Variants in MORC1 observed in about 807,000 individuals in gnomAD.
MORC1 encodes MORC family CW-type zinc finger protein 1.
Under a neutral mutation model 134.9 loss-of-function variants are expected in MORC1, and 59 were observed. That is an observed-to-expected ratio of 0.44 (90% CI 0.35 to 0.54). The LOEUF is 0.54. Ranked by LOEUF, MORC1 falls within the 20% of genes least tolerant of loss-of-function variation. The pLI, the probability that MORC1 is intolerant of heterozygous loss-of-function variation, is 0.00. For missense variants in MORC1, 947 were observed against 1,134.5 expected, an observed-to-expected ratio of 0.83 and a Z score of 2.37; for synonymous variants, 395 against 391.7, an observed-to-expected ratio of 1.01 and a Z score of -0.10.
At chr3:109,029,004 G>A (rs995103195) in intron 16 of MORC1, among the ~76,000 whole-genome samples, 3 of 152,188 alleles carry the variant, frequency 2.0e-5, no homozygotes, top group Non-Finnish European at 4.4e-5. Flanking sequence ...AGGCAAGGGA[G>A]GAGGAGGCTG....
chr3:109,040,485 A>AAAGAAAGAAAGAAAGG (rs61499269), intron 14 of MORC1, among the ~76,000 whole-genome samples: 3,795 of 114,140 alleles, frequency 0.033, 495 homozygotes, highest in East Asian at 0.074. Context: ...AGAAAGAAAG[A>AAAGAAAGAAAGAAAGG]AAGGAAAGAA....
intron 11 of MORC1, among the ~76,000 whole-genome samples, chr3:109,060,181 T>C (rs1252105843): frequency 6.6e-6 from 1 of 151,892 alleles, no homozygotes; most frequent in African/African-American, 2.4e-5. Flanking sequence ...CTTGGGTGAG[T>C]TATTTAGTGT....
At chr3:109,103,632 A>G (rs1019207631) in intron 4 of MORC1, among the ~76,000 whole-genome samples, 1 of 152,198 alleles carries the variant, frequency 6.6e-6, no homozygotes, top group African/African-American at 2.4e-5. Context: ...TGACAATATT[A>G]ATATACATTT....
intron 14 of MORC1, among the ~76,000 whole-genome samples, chr3:109,048,409 A>C (rs552076420): frequency 1.3e-5 from 2 of 152,214 alleles, no homozygotes; most frequent in Non-Finnish European, 2.9e-5. Flanking sequence ...TGCCTTCATA[A>C]TCCAGTTGTG....
At chr3:109,042,311 C>G (rs538638957) in intron 14 of MORC1, among the ~76,000 whole-genome samples, 1 of 152,080 alleles carries the variant, frequency 6.6e-6, no homozygotes, top group South Asian at 2.1e-4. Context: ...ATATAAGTGG[C>G]CAACACGTAT....
At chr3:108,961,330 C>T (rs557950508) in intron 27 of MORC1, among the ~76,000 whole-genome samples, 1 of 152,340 alleles carries the variant, frequency 6.6e-6, no homozygotes, top group East Asian at 1.9e-4. Flanking sequence ...AGATGGATTA[C>T]AATGATGTTG....
intron 8 of MORC1, among the ~76,000 whole-genome samples, chr3:109,085,527 A>G (rs1950599997): frequency 6.6e-6 from 1 of 152,156 alleles, no homozygotes; most frequent in South Asian, 2.1e-4. Flanking sequence ...ATCACTAATC[A>G]TCACAGAAAT....
intron 17 of MORC1, among the ~76,000 whole-genome samples, chr3:109,022,228 T>C (rs912774230): frequency 3.3e-5 from 5 of 152,356 alleles, no homozygotes; most frequent in African/African-American, 1.2e-4. Context: ...TTCTATGGCA[T>C]CTGTCACTAT....
chr3:109,104,298 C>A (rs966173142), intron 3 of MORC1, among the ~76,000 whole-genome samples: 5 of 152,084 alleles, frequency 3.3e-5, no homozygotes, highest in African/African-American at 1.2e-4. Context: ...CCTCTGTGCC[C>A]TTCCACCAAA....
intron 8 of MORC1, among the ~76,000 whole-genome samples, chr3:109,084,781 C>G (rs928329867): frequency 2.0e-5 from 3 of 152,058 alleles, no homozygotes; most frequent in African/African-American, 7.2e-5. Context: ...CAGCATGGTA[C>G]TGGCACAAAA....
intron 27 of MORC1, among the ~76,000 whole-genome samples, chr3:108,959,931 T>C (rs1947036558): frequency 6.6e-6 from 1 of 152,142 alleles, no homozygotes; most frequent in Non-Finnish European, 1.5e-5. Flanking sequence ...GGAAGAATGG[T>C]AAAATCATTC....
chr3:108,988,840 T>C (rs183451154), intron 21 of MORC1, among the ~76,000 whole-genome samples: 5 of 152,278 alleles, frequency 3.3e-5, no homozygotes, highest in East Asian at 1.9e-4. Flanking sequence ...ATTAATTATG[T>C]TTGTATTCTA....
chr3:108,979,733 C>G, intron 23 of MORC1, 66 bp from the exon 24 acceptor site: 1 of 1,554,650 alleles, frequency 6.4e-7, no homozygotes, highest in Non-Finnish European at 8.8e-7. Flanking sequence ...CACTAATATA[C>G]AAAAATGAGT....
At chr3:109,094,820 A>C in intron 7 of MORC1, 89 bp downstream of exon 7, 1 of 1,183,840 alleles carries the variant, frequency 8.4e-7, no homozygotes, top group Non-Finnish European at 1.1e-6. Context: ...TTATAAGAAC[A>C]AAAAAAATGA....
chr3:109,089,988 T>G (rs1353786971), intron 8 of MORC1, among the ~76,000 whole-genome samples: 2 of 152,190 alleles, frequency 1.3e-5, no homozygotes. Flanking sequence ...CTATGTATGA[T>G]TCCCTGGCAC....
intron 15 of MORC1, among the ~76,000 whole-genome samples, chr3:109,033,969 C>T (rs1949310141): frequency 6.6e-6 from 1 of 152,088 alleles, no homozygotes; most frequent in East Asian, 1.9e-4. Context: ...GTACCTGGTA[C>T]AAATCAAAAT....
rs368077591 is a variant in MORC1 at position 109,012,491 on chromosome 3, T to C, written c.1705-5400A>G. The stretch of plus-strand genomic sequence containing the variant: ...ATCAAAATACTTGTTTGAATTTTAA[T>C]TGATGCCAACTGGGGAGAATAGACA... On this transcript the variant is annotated intron_variant, in intron 17 of 27. Transcript: ENST00000232603. Among the ~76,000 whole-genome samples, 97 of 152,352 alleles carry C rather than the reference T, an allele frequency of 6.4e-4. 1 individual carries two copies. The South Asian group carries it at 0.019, about 31-fold the overall frequency.
chr3:109,078,248 C>T (rs1950459196), intron 8 of MORC1, among the ~76,000 whole-genome samples: 1 of 151,984 alleles, frequency 6.6e-6, no homozygotes, highest in South Asian at 2.1e-4. Flanking sequence ...AGAGCTCTGT[C>T]CTTATCAGAG....
chr3:109,102,424 A>C (rs979924552), intron 4 of MORC1, among the ~76,000 whole-genome samples: 6 of 152,192 alleles, frequency 3.9e-5, no homozygotes, highest in Non-Finnish European at 7.3e-5. Context: ...CATTAAAAGA[A>C]AGAAAATCAC....
Sources: gnomAD v4.1 joint callset for allele counts (sites outside exome capture counted in the v4.1 genomes callset) on GRCh38, gnomAD v4.1.1 for gene constraint, MANE v1.5 for transcripts, NCBI Gene and HGNC (gene_info 2026-07-23, HGNC 2026-07-21) for gene names.